Variants in KIAA0825 observed in about 807,000 individuals in gnomAD.
KIAA0825 encodes uncharacterized protein KIAA0825.
In KIAA0825, 119 loss-of-function variants were observed where a neutral mutation model predicts 147.6. That is an observed-to-expected ratio of 0.81 (90% CI 0.69 to 0.94). The LOEUF is 0.94. Among genes scored for constraint, KIAA0825 ranks in the 40% least tolerant of loss-of-function variants. The probability of loss-of-function intolerance (pLI) is 0.00; values close to 1 mark genes in which losing one functional copy is unlikely to be tolerated. For missense variants in KIAA0825, 1,381 were observed against 1,472.7 expected, an observed-to-expected ratio of 0.94 and a Z score of 1.02; for synonymous variants, 470 against 518.1, an observed-to-expected ratio of 0.91 and a Z score of 1.26.
At chr5:94,176,724 A>G (rs762399597) in intron 20 of KIAA0825, among the ~76,000 whole-genome samples, 45 of 152,190 alleles carry the variant, frequency 3.0e-4, no homozygotes, top group Non-Finnish European at 2.6e-4. Context: ...TGGGAATATA[A>G]CAGATTAATG....
intron 20 of KIAA0825, among the ~76,000 whole-genome samples, chr5:94,354,719 T>C (rs1784061339): frequency 6.6e-6 from 1 of 152,254 alleles, no homozygotes; most frequent in African/African-American, 2.4e-5. Flanking sequence ...TTTTTCAATC[T>C]TAAAATATGA....
chr5:94,513,097 T>C (rs565021399), intron 5 of KIAA0825, among the ~76,000 whole-genome samples: 11 of 152,280 alleles, frequency 7.2e-5, no homozygotes, highest in African/African-American at 2.6e-4. Flanking sequence ...AGTTGCAAGA[T>C]AAGTTTGTTC....
At chr5:94,515,466 A>C (rs1767071587) in intron 5 of KIAA0825, among the ~76,000 whole-genome samples, 1 of 152,204 alleles carries the variant, frequency 6.6e-6, no homozygotes, top group South Asian at 2.1e-4. Flanking sequence ...ATATTGTAGC[A>C]TAAACCTTTA....
At chr5:94,298,340 A>G (rs1260916552) in intron 20 of KIAA0825, among the ~76,000 whole-genome samples, 1 of 152,150 alleles carries the variant, frequency 6.6e-6, no homozygotes, top group African/African-American at 2.4e-5. Context: ...GGAGCCTTAG[A>G]CAATTTACTG....
intron 20 of KIAA0825, among the ~76,000 whole-genome samples, chr5:94,309,064 G>A (rs1312031176): frequency 6.6e-6 from 1 of 151,704 alleles, no homozygotes; most frequent in African/African-American, 2.4e-5. Flanking sequence ...ATGATACTTT[G>A]TGTTGTACTA....
At position 94,403,783 on chromosome 5, in the gene KIAA0825, G is replaced by T; in HGVS notation, c.2673C>A (p.Cys891Ter). The change falls in exon 16 of 21, where the codon TGC becomes TGA. Residue 891 changes from cysteine (C) to a stop codon, truncating the protein, a stop_gained. Transcript: ENST00000682413. LOFTEE classifies it high-confidence loss of function. ...DFLYNIPVST[C>*]VEYELEVIRC... ...GGATGACCTCTAGCTCGTACTCCAC[G>T]CACGTTGAGACTTTAAAATCAGATG... 4 of 1,551,170 alleles carry T rather than the reference G, an allele frequency of 2.6e-6. No homozygotes were observed. The highest frequency in any genetic ancestry group is 3.5e-6 in the Non-Finnish European group (4 of 1,146,684).
intron 20 of KIAA0825, among the ~76,000 whole-genome samples, chr5:94,239,317 A>G (rs1775227861): frequency 6.6e-6 from 1 of 152,222 alleles, no homozygotes; most frequent in African/African-American, 2.4e-5. Context: ...GTCAATAAAT[A>G]TGAGAAACGG....
At chr5:94,470,879 G>A (rs1412467967) in intron 9 of KIAA0825, among the ~76,000 whole-genome samples, 1 of 151,992 alleles carries the variant, frequency 6.6e-6, no homozygotes, top group African/African-American at 2.4e-5. Flanking sequence ...GACAGTGTAA[G>A]GGCAACAAGA....
chr5:94,443,178 A>G (rs1757303471), intron 13 of KIAA0825, among the ~76,000 whole-genome samples: 1 of 152,154 alleles, frequency 6.6e-6, no homozygotes, highest in African/African-American at 2.4e-5. Flanking sequence ...AGGAAAAATA[A>G]AATAGTACAA....
intron 20 of KIAA0825, among the ~76,000 whole-genome samples, chr5:94,187,434 T>G (rs1239422082): frequency 6.7e-6 from 1 of 148,836 alleles, no homozygotes; most frequent in African/African-American, 2.5e-5. Flanking sequence ...AATTTTTTTT[T>G]GTTTTGTTTT....
At chr5:94,453,116 C>T (rs1292954781) in intron 12 of KIAA0825, 47 bp from the exon 13 acceptor site, 3 of 908,284 alleles carry the variant, frequency 3.3e-6, no homozygotes, top group Non-Finnish European at 4.9e-6. Context: ...GAAGCATTAA[C>T]TATGACCATT....
At chr5:94,414,548 T>A (rs1261515208) in intron 15 of KIAA0825, 1 of 152,216 alleles carries the variant, frequency 6.6e-6, no homozygotes, top group East Asian at 1.9e-4. Context: ...CATCCCTCCC[T>A]AGCTTATGTC....
At chr5:94,422,282 G>A (rs997201669) in intron 14 of KIAA0825, among the ~76,000 whole-genome samples, 1 of 152,098 alleles carries the variant, frequency 6.6e-6, no homozygotes, top group Non-Finnish European at 1.5e-5. Flanking sequence ...AGAAAGAAAT[G>A]TCCTCCTCTC....
chr5:94,475,607 A>G (rs1345186533), intron 7 of KIAA0825, among the ~76,000 whole-genome samples: 1 of 152,192 alleles, frequency 6.6e-6, no homozygotes, highest in African/African-American at 2.4e-5. Context: ...CAGGAGTTCG[A>G]GACCAGCCTG....
intron 20 of KIAA0825, among the ~76,000 whole-genome samples, chr5:94,344,022 A>G (rs536993674): frequency 6.6e-6 from 1 of 152,338 alleles, no homozygotes; most frequent in South Asian, 2.1e-4. Context: ...AATGTAAACT[A>G]GTAAAACAAC....
At position 94,462,508 on chromosome 5, in the gene KIAA0825, C is replaced by A. The variant is rs1327254055; in HGVS notation, c.2125G>T (p.Val709Leu). 2.6e-6 allele frequency: 4 copies of A among 1,545,882 alleles called. No individual in the cohort carries two copies. Among genetic ancestry groups the A allele is most frequent in the Admixed American group, 2.0e-5 (1 of 50,366 alleles). The change falls in exon 12 of 21, where the codon GTA becomes TTA. Residue 709 changes from valine to leucine, a missense_variant. Val to Leu is a conservative substitution (Grantham distance 32, BLOSUM62 1). Transcript: ENST00000682413. ...ENMLWSVCTS[V>L]QKLLNPHQHT... is the part of the protein sequence containing the mutation. ...TGATGAGGATTCAAAAGTTTCTGTA[C>A]AGATGTACAAACTGACCATAACATG...
intron 1 of KIAA0825, among the ~76,000 whole-genome samples, chr5:94,617,121 G>A (rs1225420637): frequency 6.6e-6 from 1 of 152,082 alleles, no homozygotes; most frequent in Non-Finnish European, 1.5e-5. Flanking sequence ...AATGTAAAGT[G>A]CCTGGCAGAC....
intron 14 of KIAA0825, among the ~76,000 whole-genome samples, chr5:94,418,953 T>C (rs1407192374): frequency 6.6e-6 from 1 of 151,994 alleles, no homozygotes; most frequent in Non-Finnish European, 1.5e-5. Flanking sequence ...TTATAGCTCA[T>C]TGCAGCCCCA....
intron 20 of KIAA0825, among the ~76,000 whole-genome samples, chr5:94,253,684 C>T (rs1034848735): frequency 6.6e-6 from 1 of 152,058 alleles, no homozygotes; most frequent in African/African-American, 2.4e-5. Flanking sequence ...ATTTCAACAT[C>T]ATATATTTTT....
Sources: allele counts gnomAD v4.1 joint callset (sites outside exome capture counted in the v4.1 genomes callset), GRCh38; gene constraint gnomAD v4.1.1; transcripts MANE v1.5; gene names NCBI Gene and HGNC (gene_info 2026-07-23, HGNC 2026-07-21).